The following FAF1 variants were observed in gnomAD, a reference collection of about 807,000 sequenced individuals.
FAF1 encodes FAS-associated factor 1.
A neutral mutation model predicts 92.5 loss-of-function variants in FAF1; 25 were observed. The ratio of observed to expected loss-of-function variants is 0.27; its 90% CI spans 0.20 to 0.38. FAF1 has a LOEUF of 0.38. FAF1 is among the 10% of genes least tolerant of loss of function. FAF1 has a pLI of 1.00. For missense variants in FAF1, 636 were observed against 793.3 expected (o/e 0.80, Z 2.38); for synonymous variants, 234 against 273.2 (o/e 0.86, Z 1.42).
At chr1:50,886,599 A>T (rs1570100782) in intron 1 of FAF1, among the ~76,000 whole-genome samples, 1 of 151,834 alleles carries the variant, frequency 6.6e-6, no homozygotes, top group East Asian at 1.9e-4. Context: ...TCATTGATCA[A>T]TTCCCACCTA....
At chr1:50,618,985 G>A (rs1653065499) in intron 8 of FAF1, among the ~76,000 whole-genome samples, 1 of 152,100 alleles carries the variant, frequency 6.6e-6, no homozygotes, top group Admixed American at 6.5e-5. Context: ...TCGAACTCCT[G>A]ACCTCATGTA....
chr1:50,626,496 A>G (rs1488511002), intron 8 of FAF1, among the ~76,000 whole-genome samples: 2 of 152,194 alleles, frequency 1.3e-5, no homozygotes, highest in Non-Finnish European at 2.9e-5. Context: ...CAATGATGGT[A>G]CCTCAGAAGA....
At chr1:50,864,952 G>T (rs1028837593) in intron 1 of FAF1, among the ~76,000 whole-genome samples, 4 of 151,592 alleles carry the variant, frequency 2.6e-5, no homozygotes, top group African/African-American at 7.3e-5. Flanking sequence ...CTGACAAAGG[G>T]CTAATATCCA....
intron 8 of FAF1, among the ~76,000 whole-genome samples, chr1:50,613,907 G>A (rs955678777): frequency 6.6e-6 from 1 of 151,980 alleles, no homozygotes; most frequent in Non-Finnish European, 1.5e-5. Flanking sequence ...GACCGTCCTG[G>A]CCAACATAGT....
chr1:50,539,600 A>C lies in FAF1; in HGVS notation c.1397T>G (p.Val466Gly). 1.9e-6 allele frequency: 3 copies of C among 1,612,544 alleles called. No individual in the cohort carries two copies. The highest frequency in any genetic ancestry group is 2.5e-6 in the Non-Finnish European group (3 of 1,179,092). ...TGTGACATGTACTTTACCTTGTATC[A>C]CATTCAACACTTCATTAGATGATCG... is the stretch of plus-strand genomic sequence containing the variant. ...GKRSSNEVLN[V>G]IQGNTTVDEL... is the part of the protein sequence containing the mutation. Residue 466 changes from valine (V) to glycine (G), a missense_variant, in exon 14 of 19, where the codon GTG (valine) becomes GGG (glycine). Val to Gly is a moderately radical substitution (Grantham distance 109, BLOSUM62 -3). Coordinates refer to ENST00000396153, the MANE Select transcript of FAF1 (RefSeq NM_007051.3).
chr1:50,590,226 G>A (rs1321159984), intron 9 of FAF1, among the ~76,000 whole-genome samples: 2 of 152,116 alleles, frequency 1.3e-5, no homozygotes, highest in Admixed American at 6.5e-5. Flanking sequence ...ATTTTGATAC[G>A]GATTTCTGTA....
At chr1:50,865,838 T>A (rs1644477041) in intron 1 of FAF1, among the ~76,000 whole-genome samples, 1 of 142,356 alleles carries the variant, frequency 7.0e-6, no homozygotes. Context: ...TAAAGTATAA[T>A]AATAATAAAA....
chr1:50,901,521 C>T (rs1009534230), intron 1 of FAF1, among the ~76,000 whole-genome samples: 2 of 151,468 alleles, frequency 1.3e-5, no homozygotes, highest in Non-Finnish European at 2.9e-5. Context: ...CATAGCAAGA[C>T]CTAGGTTCTA....
At chr1:50,480,141 T>C (rs1189459769) in intron 17 of FAF1, among the ~76,000 whole-genome samples, 1 of 152,230 alleles carries the variant, frequency 6.6e-6, no homozygotes, top group African/African-American at 2.4e-5. Context: ...TATGAACTGA[T>C]CTGGTACTTT....
At chr1:50,899,064 A>G (rs1343482412) in intron 1 of FAF1, among the ~76,000 whole-genome samples, 2 of 152,022 alleles carry the variant, frequency 1.3e-5, no homozygotes, top group African/African-American at 4.8e-5. Context: ...TTTGTTTTGC[A>G]TAATTCCTAC....
chr1:50,928,083 G>A (rs1645019895), intron 1 of FAF1, among the ~76,000 whole-genome samples: 1 of 152,178 alleles, frequency 6.6e-6, no homozygotes, highest in Non-Finnish European at 1.5e-5. Context: ...TCTGGATGAT[G>A]TTCACAGCCA....
At chr1:50,703,037 A>G (rs1010191506) in intron 7 of FAF1, among the ~76,000 whole-genome samples, 2 of 151,778 alleles carry the variant, frequency 1.3e-5, no homozygotes, top group South Asian at 4.1e-4. Context: ...TACACTAAAA[A>G]AATGACCAGG....
intron 8 of FAF1, among the ~76,000 whole-genome samples, chr1:50,598,741 C>A (rs1186675754): frequency 6.6e-6 from 1 of 152,080 alleles, no homozygotes; most frequent in African/African-American, 2.4e-5. Context: ...GAGGCTGAGG[C>A]GAGTGGATCA....
chr1:50,485,700 A>G (rs1646759813), intron 17 of FAF1, among the ~76,000 whole-genome samples: 1 of 150,298 alleles, frequency 6.7e-6, no homozygotes, highest in Non-Finnish European at 1.5e-5. Flanking sequence ...AAAAAAACCA[A>G]AAAAACAAAA....
chr1:50,645,106 T>C (rs1449074741), intron 8 of FAF1, among the ~76,000 whole-genome samples: 1 of 152,244 alleles, frequency 6.6e-6, no homozygotes, highest in Non-Finnish European at 1.5e-5. Context: ...AAAGACTCTA[T>C]ATGTTGACAA....
chr1:50,865,999 C>T (rs923179507), intron 1 of FAF1, among the ~76,000 whole-genome samples: 3 of 151,952 alleles, frequency 2.0e-5, no homozygotes, highest in African/African-American at 7.3e-5. Context: ...TGAGAATCCA[C>T]CATGATCAAG....
At chr1:50,720,714 T>C (rs1219053661) in intron 6 of FAF1, among the ~76,000 whole-genome samples, 1 of 152,108 alleles carries the variant, frequency 6.6e-6, no homozygotes, top group African/African-American at 2.4e-5. Flanking sequence ...CCAGGGAAAA[T>C]TAACTCATGT....
At chr1:50,493,677 A>T (rs1646866594) in intron 15 of FAF1, among the ~76,000 whole-genome samples, 1 of 152,206 alleles carries the variant, frequency 6.6e-6, no homozygotes. Context: ...TCTGTATTCC[A>T]CATACTGCCT....
At chr1:50,707,884 CTT>C (rs2124428075) in intron 6 of FAF1, among the ~76,000 whole-genome samples, 1 of 152,204 alleles carries the variant, frequency 6.6e-6, no homozygotes, top group South Asian at 2.1e-4. Flanking sequence ...GGAGTTAAGA[CTT>C]TGATTTTATT....
Sources: gnomAD v4.1 joint callset for allele counts (sites outside exome capture counted in the v4.1 genomes callset) on GRCh38, gnomAD v4.1.1 for gene constraint, MANE v1.5 for transcripts, NCBI Gene and HGNC (gene_info 2026-07-23, HGNC 2026-07-21) for gene names.